The following HECTD4 variants were observed in gnomAD, a reference collection of about 807,000 sequenced individuals.
The protein encoded by HECTD4 is HECT domain E3 ubiquitin protein ligase 4, also known as probable E3 ubiquitin-protein ligase HECTD4.
Under a neutral mutation model 471.5 loss-of-function variants are expected in HECTD4, and 114 were observed. That is an observed-to-expected ratio of 0.24 (90% CI 0.21 to 0.28). The LOEUF (loss-of-function observed/expected upper bound fraction) is 0.28, where lower values mean the gene tolerates loss of function less well. Among genes scored for constraint, HECTD4 ranks in the 10% least tolerant of loss-of-function variants. The pLI is 1.00. For synonymous variants in HECTD4, 2,012 were observed against 2,256.0 expected, an observed-to-expected ratio of 0.89 and a Z score of 3.07; for missense variants, 3,866 against 5,651.5, an observed-to-expected ratio of 0.68 and a Z score of 10.13.
intron 7 of HECTD4, among the ~76,000 whole-genome samples, chr12:112,300,689 C>T (rs2035144550): frequency 6.6e-6 from 1 of 152,146 alleles, no homozygotes; most frequent in African/African-American, 2.4e-5. Context: ...TCTTGACCTC[C>T]AGGGCTCAAG....
At chr12:112,320,495 C>A (rs913073604) in intron 1 of HECTD4, among the ~76,000 whole-genome samples, 2 of 151,324 alleles carry the variant, frequency 1.3e-5, no homozygotes, top group Non-Finnish European at 2.9e-5. Flanking sequence ...GTCAGGAGTT[C>A]GAGGCCAGCC....
At chr12:112,233,504 T>C (rs2033433278) in intron 37 of HECTD4, among the ~76,000 whole-genome samples, 1 of 152,088 alleles carries the variant, frequency 6.6e-6, no homozygotes, top group South Asian at 2.1e-4. Flanking sequence ...ATTACAGGCA[T>C]GAGCCACCAT....
chr12:112,292,091 TC>T, intron 7 of HECTD4, among the ~76,000 whole-genome samples: 1 of 152,148 alleles, frequency 6.6e-6, no homozygotes, highest in East Asian at 1.9e-4. Context: ...TAGAATAAAA[TC>T]CCAATACCTT....
intron 7 of HECTD4, among the ~76,000 whole-genome samples, chr12:112,294,607 T>C (rs2034963436): frequency 6.6e-6 from 1 of 152,148 alleles, no homozygotes; most frequent in Non-Finnish European, 1.5e-5. Context: ...GAAAGATCTA[T>C]TCTTTTCCAT....
At chr12:112,301,502 G>A (rs1259840404) in intron 7 of HECTD4, among the ~76,000 whole-genome samples, 1 of 152,090 alleles carries the variant, frequency 6.6e-6, no homozygotes, top group Non-Finnish European at 1.5e-5. Context: ...ATTATTTCTT[G>A]ATCATGTCAT....
intron 7 of HECTD4, among the ~76,000 whole-genome samples, chr12:112,292,803 A>C (rs2034915863): frequency 6.6e-6 from 1 of 152,130 alleles, no homozygotes; most frequent in Non-Finnish European, 1.5e-5. Context: ...TGGACAGATC[A>C]CAAGGTCAGG....
chr12:112,212,261 A>G (rs1428109094), intron 49 of HECTD4, among the ~76,000 whole-genome samples: 2 of 152,246 alleles, frequency 1.3e-5, no homozygotes, highest in Non-Finnish European at 2.9e-5. Context: ...AAAAATGTCA[A>G]GGCAATGAAG....
Position 112,254,130 on chromosome 12 carries a change from A to ACTG in HECTD4, c.3357_3359dup (p.Ser1120dup). 1 of 1,613,974 alleles carries ACTG rather than the reference A, an allele frequency of 6.2e-7. No homozygotes were observed. The highest frequency in any genetic ancestry group is 8.5e-7 in the Non-Finnish European group (1 of 1,179,862). Reference sequence around the variant, plus strand: ...TGCCTCCATATTCAGCAACCTTCCTACTGTTTGTGTTAGGCCCCGCATATA... The same window carrying ACTG: ...TGCCTCCATATTCAGCAACCTTCCTACTGCTGTTTGTGTTAGGCCCCGCATATA... On this transcript the variant is annotated inframe_insertion, in exon 22 of 76. Transcript: ENST00000682272.
Position 112,251,132 on chromosome 12 carries a change from C to T in HECTD4, c.3555G>A (p.Glu1185=). The T allele has an allele frequency of 6.2e-7, 1 of 1,613,384 alleles. No individual in the cohort carries two copies. Among genetic ancestry groups the T allele is most frequent in the Non-Finnish European group, 8.5e-7 (1 of 1,179,632 alleles). ...AGCCTCCTGAGACATCCTCCGAAGA[C>T]TCCTACAATGCAGACAGGGGTAAAC... is the stretch of plus-strand genomic sequence containing the variant. ...WGFACTVRAQ[E]SSEDVSGGLP... is the part of the protein sequence containing the mutation. Residue 1185 remains glutamate (E), a splice_region_variant and synonymous_variant, in exon 24 of 76, where the codon GAG becomes GAA. Coordinates refer to ENST00000682272, the MANE Select transcript of HECTD4 (RefSeq NM_001388303.1).
At chr12:112,314,856 T>C (rs1382063029) in intron 2 of HECTD4, among the ~76,000 whole-genome samples, 2 of 152,214 alleles carry the variant, frequency 1.3e-5, no homozygotes, top group East Asian at 1.9e-4. Flanking sequence ...CTTGTGGCTA[T>C]TATGCTTGGT....
At chr12:112,220,028 C>T (rs1229069998) in intron 44 of HECTD4, among the ~76,000 whole-genome samples, 1 of 152,132 alleles carries the variant, frequency 6.6e-6, no homozygotes, top group Non-Finnish European at 1.5e-5. Flanking sequence ...GAACCTGGCC[C>T]CAGTACTCAG....
chr12:112,325,435 G>A (rs1168898374), intron 1 of HECTD4, among the ~76,000 whole-genome samples: 2 of 152,110 alleles, frequency 1.3e-5, no homozygotes, highest in African/African-American at 4.8e-5. Flanking sequence ...CTATGCCACT[G>A]TTTTTTCAGA....
chr12:112,181,082 T>C lies in HECTD4; in HGVS notation c.10988-1685A>G, dbSNP rs112890393. On this transcript the variant is annotated intron_variant, in intron 62 of 75. Transcript: ENST00000682272. ...TCAGGAGTTCGAGTCCAGCCTCCACTGCTTGAACCCGGGAGGTGGAGGTTG... is the reference window on the plus strand; with the variant it reads ...TCAGGAGTTCGAGTCCAGCCTCCACCGCTTGAACCCGGGAGGTGGAGGTTG... 2.0e-5 allele frequency among the ~76,000 whole-genome samples: 3 copies of C among 151,244 alleles called. No individual in the cohort carries two copies. The East Asian group carries it at 5.9e-4, about 30-fold the overall frequency.
chr12:112,305,446 C>T (rs886821225), intron 7 of HECTD4, among the ~76,000 whole-genome samples: 4 of 152,170 alleles, frequency 2.6e-5, no homozygotes, highest in African/African-American at 9.7e-5. Flanking sequence ...ACTCCCCAGC[C>T]TCTTCATCTG....
At chr12:112,374,971 T>C (rs1005239649) in intron 1 of HECTD4, among the ~76,000 whole-genome samples, 3 of 152,380 alleles carry the variant, frequency 2.0e-5, no homozygotes. Context: ...TTAATGAGTT[T>C]TGACATACAT....
chr12:112,196,698 T>C (rs1216173066), intron 55 of HECTD4, among the ~76,000 whole-genome samples: 1 of 152,066 alleles, frequency 6.6e-6, no homozygotes, highest in African/African-American at 2.4e-5. Context: ...TCAAGCAATC[T>C]TCCAGCTTTA....
chr12:112,206,759 A>G (rs982063263), intron 52 of HECTD4, among the ~76,000 whole-genome samples: 1 of 151,968 alleles, frequency 6.6e-6, no homozygotes, highest in African/African-American at 2.4e-5. Context: ...GATGGTCTCA[A>G]TCTCCTGACC....
chr12:112,309,106 T>C (rs536173400), intron 5 of HECTD4, among the ~76,000 whole-genome samples: 2 of 152,304 alleles, frequency 1.3e-5, no homozygotes, highest in South Asian at 4.1e-4. Context: ...GGAGAAAAAT[T>C]TGGGGGAAAA....
At chr12:112,169,041 C>T (rs1265142224) in intron 70 of HECTD4, among the ~76,000 whole-genome samples, 1 of 152,244 alleles carries the variant, frequency 6.6e-6, no homozygotes, top group Non-Finnish European at 1.5e-5. Context: ...TAGCTTTCTT[C>T]TCCATCTGCA....
Sources: gnomAD v4.1 joint callset for allele counts (sites outside exome capture counted in the v4.1 genomes callset) on GRCh38, gnomAD v4.1.1 for gene constraint, MANE v1.5 for transcripts, NCBI Gene and HGNC (gene_info 2026-07-23, HGNC 2026-07-21) for gene names.